The following NTNG1 variants were observed in gnomAD, a reference collection of about 807,000 sequenced individuals.
NTNG1 encodes netrin G1.
A neutral mutation model predicts 54.0 loss-of-function variants in NTNG1; 16 were observed. The observed-to-expected ratio is 0.30, with a 90% CI of 0.20 to 0.45. The LOEUF is 0.45. Ranked by LOEUF, NTNG1 falls within the 20% of genes least tolerant of loss-of-function variation. NTNG1 has a pLI of 1.00. For missense variants in NTNG1, 530 were observed against 678.7 expected, an observed-to-expected ratio of 0.78 and a Z score of 2.43; for synonymous variants, 255 against 263.1, an observed-to-expected ratio of 0.97 and a Z score of 0.30.
intron 2 of NTNG1, among the ~76,000 whole-genome samples, chr1:107,170,986 T>G (rs1205827363): frequency 6.6e-6 from 1 of 152,138 alleles, no homozygotes; most frequent in African/African-American, 2.4e-5. Context: ...CCAATCCACA[T>G]TTTAATAAGA....
chr1:107,367,955 G>A (rs898290815), intron 3 of NTNG1, among the ~76,000 whole-genome samples: 1 of 151,982 alleles, frequency 6.6e-6, no homozygotes, highest in Admixed American at 6.6e-5. Flanking sequence ...TAGAGACGGG[G>A]TTTCACCATG....
intron 3 of NTNG1, among the ~76,000 whole-genome samples, chr1:107,377,396 G>A (rs1671355438): frequency 6.6e-6 from 1 of 152,148 alleles, no homozygotes; most frequent in Non-Finnish European, 1.5e-5. Flanking sequence ...TCCTGCCTGA[G>A]GATAATTGTC....
At chr1:107,419,154 TG>T (rs1257872070) in intron 5 of NTNG1, among the ~76,000 whole-genome samples, 1 of 151,738 alleles carries the variant, frequency 6.6e-6, no homozygotes, top group Non-Finnish European at 1.5e-5. Flanking sequence ...TCCTTTTTCC[TG>T]TCTTCCTCCC....
At chr1:107,260,191 T>C (rs937865009) in intron 2 of NTNG1, among the ~76,000 whole-genome samples, 1 of 152,262 alleles carries the variant, frequency 6.6e-6, no homozygotes, top group Non-Finnish European at 1.5e-5. Context: ...TAACATCATA[T>C]AAAGATGAAT....
At chr1:107,307,926 C>CT (rs1423779692) in intron 2 of NTNG1, among the ~76,000 whole-genome samples, 1 of 152,092 alleles carries the variant, frequency 6.6e-6, no homozygotes, top group Admixed American at 6.5e-5. Context: ...AAATTCCCAG[C>CT]TTTAGCCTCT....
At chr1:107,402,101 T>G (rs1673078274) in intron 4 of NTNG1, among the ~76,000 whole-genome samples, 1 of 152,180 alleles carries the variant, frequency 6.6e-6, no homozygotes, top group Non-Finnish European at 1.5e-5. Context: ...GCCTGTCTAT[T>G]CAACCACAAT....
At chr1:107,177,947 C>G (rs1656772178) in intron 2 of NTNG1, among the ~76,000 whole-genome samples, 2 of 152,148 alleles carry the variant, frequency 1.3e-5, no homozygotes, top group African/African-American at 4.8e-5. Flanking sequence ...GATTGTATCT[C>G]TCAACCCTCC....
At chr1:107,352,361 T>C (rs1440547781) in intron 3 of NTNG1, among the ~76,000 whole-genome samples, 1 of 152,068 alleles carries the variant, frequency 6.6e-6, no homozygotes, top group Non-Finnish European at 1.5e-5. Context: ...TCCTCTGAAA[T>C]CTAGGCTTTT....
intron 2 of NTNG1, among the ~76,000 whole-genome samples, chr1:107,286,164 C>T (rs72983557): frequency 1.4e-3 from 210 of 152,152 alleles, no homozygotes; most frequent in African/African-American, 4.9e-3. Context: ...ACTCTAATTC[C>T]GTAATTATCC....
intron 2 of NTNG1, among the ~76,000 whole-genome samples, chr1:107,210,525 T>C (rs1297609149): frequency 6.6e-6 from 1 of 152,192 alleles, no homozygotes; most frequent in African/African-American, 2.4e-5. Context: ...TTGAGGCATT[T>C]GCCCATTGTG....
rs767500036 is a variant in NTNG1 at position 107,148,757 on chromosome 1, C to T, written c.164C>T (p.Thr55Met). The part of the protein sequence containing the change: ...WDYMACQPES[T>M]DMTKYLKVKL... Reference sequence around the variant, plus strand: ...TACATGGCCTGCCAGCCGGAATCCACGGACATGACAAAATATCTGAAAGTG... The same window carrying T: ...TACATGGCCTGCCAGCCGGAATCCATGGACATGACAAAATATCTGAAAGTG... Residue 55 changes from threonine to methionine, a missense_variant, in exon 2 of 8, where the codon ACG becomes ATG. Physicochemically the swap from Thr to Met is moderately conservative, Grantham distance 81. Transcript: ENST00000370068. The T allele has an allele frequency of 1.3e-5, 21 of 1,613,554 alleles. No homozygotes were observed. Among genetic ancestry groups the T allele is most frequent in the Non-Finnish European group, 1.4e-5 (17 of 1,179,596 alleles).
At chr1:107,440,547 G>A (rs988164494) in intron 7 of NTNG1, among the ~76,000 whole-genome samples, 3 of 152,186 alleles carry the variant, frequency 2.0e-5, no homozygotes, top group African/African-American at 7.2e-5. Context: ...GTAGTACATA[G>A]TAAGTGCTCA....
chr1:107,175,479 A>G (rs1471909986), intron 2 of NTNG1, among the ~76,000 whole-genome samples: 4 of 152,184 alleles, frequency 2.6e-5, no homozygotes, highest in African/African-American at 7.2e-5. Context: ...TTTCAGGACT[A>G]TAATATATCC....
chr1:107,308,079 T>C (rs1666792430), intron 2 of NTNG1, among the ~76,000 whole-genome samples: 1 of 152,112 alleles, frequency 6.6e-6, no homozygotes, highest in Non-Finnish European at 1.5e-5. Flanking sequence ...GTCAGATGCA[T>C]AGTTTGCAAA....
intron 3 of NTNG1, among the ~76,000 whole-genome samples, chr1:107,337,136 G>A (rs1668629665): frequency 6.6e-6 from 1 of 151,974 alleles, no homozygotes; most frequent in African/African-American, 2.4e-5. Context: ...AGTTAAAGCG[G>A]AAGCTTGAAC....
chr1:107,461,229 AC>A (rs1161407820), intron 7 of NTNG1, among the ~76,000 whole-genome samples: 1 of 152,202 alleles, frequency 6.6e-6, no homozygotes, highest in Non-Finnish European at 1.5e-5. Context: ...GTGGGCAAAG[AC>A]CACTGTAGAC....
chr1:107,436,934 C>A (rs1398387899), intron 7 of NTNG1, 135 bp downstream of exon 7: 2 of 741,672 alleles, frequency 2.7e-6, no homozygotes, highest in African/African-American at 2.1e-5. Context: ...CTTAATGCTG[C>A]GGCCAATGTA....
rs896315500 is a variant in NTNG1 at position 107,324,282 on chromosome 1, G to A, written c.247G>A (p.Gly83Ser). ...ACGCTCTTTTGTTCTTCTTCCATAGGGCAATCCCTACATGTGCAATAATGA... is the reference window on the plus strand; with the variant it reads ...ACGCTCTTTTGTTCTTCTTCCATAGAGCAATCCCTACATGTGCAATAATGA... ...GDPPETFCAM[G>S]NPYMCNNECD... The change falls in exon 3 of 8, where the codon GGC becomes AGC. Residue 83 changes from glycine to serine, a missense_variant and splice_region_variant. Transcript: ENST00000370068. 2 of 1,612,360 alleles carry A rather than the reference G, an allele frequency of 1.2e-6. No homozygotes were observed. The highest frequency in any genetic ancestry group is 1.7e-6 in the Non-Finnish European group (2 of 1,178,872).
intron 2 of NTNG1, among the ~76,000 whole-genome samples, chr1:107,204,267 G>T (rs182550898): frequency 3.9e-4 from 59 of 152,152 alleles, no homozygotes; most frequent in Admixed American, 1.3e-3. Context: ...TGCTATTTCC[G>T]TTGAGTCACG....
Sources: gnomAD v4.1 joint callset for allele counts (sites outside exome capture counted in the v4.1 genomes callset) on GRCh38, gnomAD v4.1.1 for gene constraint, MANE v1.5 for transcripts, NCBI Gene and HGNC (gene_info 2026-07-23, HGNC 2026-07-21) for gene names.